The following NRIP1 variants were observed in gnomAD, a reference collection of about 807,000 sequenced individuals.
NRIP1 encodes nuclear receptor-interacting protein 1.
A neutral mutation model predicts 75.0 loss-of-function variants in NRIP1; 28 were observed. The ratio of observed to expected loss-of-function variants is 0.37; its 90% CI spans 0.28 to 0.51. The LOEUF (loss-of-function observed/expected upper bound fraction) is 0.51. NRIP1 is among the 20% of genes least tolerant of loss of function. The pLI is 0.92. For synonymous variants in NRIP1, 526 were observed against 487.6 expected (o/e 1.08, Z -1.04); for missense variants, 1,435 against 1,343.7 (o/e 1.07, Z -1.06).
chr21:15,025,609 T>C (rs139540963), intron 2 of NRIP1, among the ~76,000 whole-genome samples: 2 of 152,202 alleles, frequency 1.3e-5, no homozygotes, highest in East Asian at 1.9e-4. Flanking sequence ...AATTTCACAG[T>C]AGATGAAATT....
chr21:15,036,889 T>C (rs1373625385), intron 2 of NRIP1, among the ~76,000 whole-genome samples: 1 of 152,140 alleles, frequency 6.6e-6, no homozygotes, highest in African/African-American at 2.4e-5. Flanking sequence ...TAAGGATAAA[T>C]TTTGGGAAGT....
Position 14,965,445 on chromosome 21 carries a change from G to A in NRIP1, c.2748C>T (p.Gly916=). 6.2e-7 allele frequency: 1 copy of A among 1,613,866 alleles called. No homozygotes were observed. The highest frequency in any genetic ancestry group is 1.7e-5 in the Admixed American group (1 of 60,002). Residue 916 remains glycine, a synonymous_variant, in exon 4 of 4, where the codon GGC becomes GGT. Transcript: ENST00000318948. The part of the protein sequence containing the change: ...DLEFKYPAGH[G]SASESEHRSW... ...TCCTGTGTTCACTTTCGCTGGCTGA[G>A]CCATGACCAGCAGGATATTTAAATT... is the stretch of plus-strand genomic sequence containing the variant.
intron 3 of NRIP1, among the ~76,000 whole-genome samples, chr21:14,983,508 T>TCAGCAAGAAAAGCC (rs1219525225): frequency 9.9e-4 from 151 of 152,190 alleles, no homozygotes; most frequent in African/African-American, 3.3e-3. Context: ...ACAGAAAAGC[T>TCAGCAAGAAAAGCC]CAGCAAGAAA....
chr21:14,965,608 T>A lies in NRIP1; in HGVS notation c.2585A>T (p.Tyr862Phe). ...LCMVPKKRKL[Y>F]TEPLENPFKK... ...AAATGGATTTTCTAATGGCTCAGTA[T>A]AAAGCTTCCTTTTCTTAGGGACCAT... Residue 862 changes from tyrosine (Y) to phenylalanine (F), a missense_variant, in exon 4 of 4, where the codon TAT (tyrosine) becomes TTT (phenylalanine). Tyr to Phe is a conservative substitution (Grantham distance 22). Transcript: ENST00000318948. 1 of 1,613,726 alleles carries A rather than the reference T, an allele frequency of 6.2e-7. No homozygotes were observed. The highest frequency in any genetic ancestry group is 8.5e-7 in the Non-Finnish European group (1 of 1,179,942).
At chr21:14,969,386 T>C (rs2086845348) in intron 3 of NRIP1, among the ~76,000 whole-genome samples, 1 of 152,090 alleles carries the variant, frequency 6.6e-6, no homozygotes, top group Non-Finnish European at 1.5e-5. Context: ...AAAAGTACAA[T>C]GGAGAATGCC....
At chr21:15,028,809 T>C (rs1433271421) in intron 2 of NRIP1, among the ~76,000 whole-genome samples, 2 of 152,162 alleles carry the variant, frequency 1.3e-5, no homozygotes, top group Non-Finnish European at 2.9e-5. Flanking sequence ...TTATTAATGG[T>C]CAATATCGTT....
Position 14,964,949 on chromosome 21 carries a change from G to C in NRIP1, c.3244C>G (p.Arg1082Gly), listed in dbSNP as rs1329599593. Residue 1082 changes from arginine (R) to glycine (G), a missense_variant, in exon 4 of 4, where the codon CGA becomes GGA. Coordinates refer to ENST00000318948, the MANE Select transcript of NRIP1 (RefSeq NM_003489.4). ...CAAATGTCCTTGTCTTGTGTTTCTC[G>C]ACTGGTAACAGAATTGCCTCCTTTT... is the stretch of plus-strand genomic sequence containing the variant. Reference protein sequence around the residue: ...LQKGGNSVTSRETQDKDIWRE... With the variant: ...LQKGGNSVTSGETQDKDIWRE... The C allele has an allele frequency of 6.6e-5, 106 of 1,613,718 alleles. 1 individual carries two copies. The Admixed American group carries it at 1.7e-3, about 25-fold the overall frequency.
intron 2 of NRIP1, among the ~76,000 whole-genome samples, chr21:15,033,519 C>T (rs2088761048): frequency 6.6e-6 from 1 of 152,148 alleles, no homozygotes; most frequent in Non-Finnish European, 1.5e-5. Context: ...GGCTGAAATG[C>T]AGTTTCTTAA....
At position 14,965,006 on chromosome 21, in the gene NRIP1, TG is replaced by T. The variant is rs1366882632; in HGVS notation, c.3186del (p.Thr1064ProfsTer58). 3 of 1,614,016 alleles carry T rather than the reference TG, an allele frequency of 1.9e-6. No homozygotes were observed. Among genetic ancestry groups the T allele is most frequent in the Non-Finnish European group, 2.5e-6 (3 of 1,179,920 alleles). On this transcript the variant is annotated frameshift_variant, in exon 4 of 4. Transcript: ENST00000318948. LOFTEE classifies it high-confidence loss of function. ...ATGTAATATAGTATTGGGTTGGTTT[TG>T]GTCAATCTTGGAGAGTCTTTTTCAT... is the stretch of plus-strand genomic sequence containing the variant. ...NEYEKDSPRL[T>X]KTNPILYYML...
chr21:14,998,214 C>G (rs2087775282), intron 3 of NRIP1, among the ~76,000 whole-genome samples: 1 of 152,160 alleles, frequency 6.6e-6, no homozygotes, highest in African/African-American at 2.4e-5. Context: ...TCTGTCAGCA[C>G]CCTGAACTAG....
chr21:14,965,251 A>C lies in NRIP1; in HGVS notation c.2942T>G (p.Leu981Ter). 1.2e-6 allele frequency: 2 copies of C among 1,614,012 alleles called. No individual in the cohort carries two copies. The highest frequency in any genetic ancestry group is 1.7e-6 in the Non-Finnish European group (2 of 1,179,940). The change falls in exon 4 of 4, where the codon TTA (leucine) becomes TGA (stop). Residue 981 changes from leucine (L) to a stop codon, truncating the protein, a stop_gained. Transcript: ENST00000318948. LOFTEE classifies it high-confidence loss of function. ...AGTGGAACTGTACATCAGTCCATTT[A>C]AAGAAGAAATGCTAAATTCAGGTTT... ...NSKPEFSISS[L>*]NGLMYSSTQP... is the part of the protein sequence containing the mutation.
At position 14,964,813 on chromosome 21, in the gene NRIP1, C is replaced by T. The variant is rs1401572643; in HGVS notation, c.3380G>A (p.Ser1127Asn). The change falls in exon 4 of 4, where the codon AGC becomes AAC. Residue 1127 changes from serine to asparagine, a missense_variant. Ser to Asn is a conservative substitution (Grantham distance 46, BLOSUM62 1). Transcript: ENST00000318948. ...SFFNLRSPYN[S>N]HMGNNASRPH... ...GCGAGAAGCATTATTTCCCATATGGCTATTGTAAGGGCTTCTTAAATTAAA... is the reference window on the plus strand; with the variant it reads ...GCGAGAAGCATTATTTCCCATATGGTTATTGTAAGGGCTTCTTAAATTAAA... The T allele has an allele frequency of 6.2e-6, 10 of 1,612,780 alleles. No homozygotes were observed. The East Asian group carries it at 2.2e-4, about 36-fold the overall frequency.
At chr21:15,056,661 T>G (rs868449923) in intron 1 of NRIP1, among the ~76,000 whole-genome samples, 2 of 152,208 alleles carry the variant, frequency 1.3e-5, no homozygotes, top group Non-Finnish European at 2.9e-5. Flanking sequence ...AAAACACAGA[T>G]GTTTCCTTTG....
intron 3 of NRIP1, among the ~76,000 whole-genome samples, chr21:14,996,668 C>T (rs993033624): frequency 5.3e-5 from 8 of 152,086 alleles, no homozygotes; most frequent in Non-Finnish European, 1.2e-4. Context: ...AACTATTGCT[C>T]CATGAGAACA....
chr21:15,011,881 A>G (rs953141941), intron 3 of NRIP1, among the ~76,000 whole-genome samples: 3 of 152,208 alleles, frequency 2.0e-5, no homozygotes, highest in Non-Finnish European at 4.4e-5. Flanking sequence ...TGATGATTGT[A>G]TCTCTTTCAA....
chr21:14,970,403 G>A (rs555651758), intron 3 of NRIP1, among the ~76,000 whole-genome samples: 8 of 152,172 alleles, frequency 5.3e-5, no homozygotes, highest in South Asian at 4.2e-4. Context: ...AAAATTAGCC[G>A]GGTATGGTGG....
In NRIP1 at chr21:15,019,470, C is replaced by CTTTTTTTTT. The variant is rs539278321; in HGVS notation, c.-457-5013_-457-5005dup. Reference sequence around the variant, plus strand: ...ACAAGATCCACAAACAACTGCATTTCTTTTTTTTTTTTTTTTTTTTTTTTT... The same window carrying CTTTTTTTTT: ...ACAAGATCCACAAACAACTGCATTTCTTTTTTTTTTTTTTTTTTTTTTTTTTTTTTTTTT... On this transcript the variant is annotated intron_variant, in intron 2 of 3. Coordinates refer to ENST00000318948, the MANE Select transcript of NRIP1 (RefSeq NM_003489.4). Among the ~76,000 whole-genome samples the CTTTTTTTTT allele has an allele frequency of 7.8e-4, 30 of 38,694 alleles. 8 individuals are homozygous for CTTTTTTTTT. The highest frequency in any genetic ancestry group is 1.6e-3 in the South Asian group (1 of 630). 25.4% of individuals were successfully genotyped at this position (38,694 alleles called of 152,430 possible).
At chr21:14,989,080 T>A (rs541632935) in intron 3 of NRIP1, among the ~76,000 whole-genome samples, 1 of 152,288 alleles carries the variant, frequency 6.6e-6, no homozygotes, top group Admixed American at 6.5e-5. Flanking sequence ...GTACCTGAGC[T>A]TTGTTGAGGG....
chr21:15,000,785 A>G (rs1166902152), intron 3 of NRIP1, among the ~76,000 whole-genome samples: 1 of 152,228 alleles, frequency 6.6e-6, no homozygotes, highest in African/African-American at 2.4e-5. Flanking sequence ...GTACAAAAAT[A>G]CAGTACAAAT....
Sources: gnomAD v4.1 joint callset for allele counts (sites outside exome capture counted in the v4.1 genomes callset) on GRCh38, gnomAD v4.1.1 for gene constraint, MANE v1.5 for transcripts, NCBI Gene and HGNC (gene_info 2026-07-23, HGNC 2026-07-21) for gene names.